TBCK: variants seen among roughly 807,000 people sequenced by gnomAD.
TBCK encodes TBC1 domain containing kinase, also known as TBC domain-containing protein kinase-like protein.
TBCK carries 99 observed loss-of-function variants against 113.4 expected under a neutral mutation model. The observed-to-expected ratio is 0.87, with a 90% CI of 0.74 to 1.03. TBCK has a LOEUF of 1.03. Ranked by LOEUF, TBCK falls within the 50% of genes least tolerant of loss-of-function variation. The pLI is 0.00. For synonymous variants in TBCK, 369 were observed against 370.8 expected (o/e 1.00, Z 0.05); for missense variants, 1,045 against 1,061.3 (o/e 0.98, Z 0.21).
intron 10 of TBCK, among the ~76,000 whole-genome samples, 164 bp from the exon 11 acceptor site, chr4:106,244,928 A>G (rs1406672734): frequency 6.6e-6 from 1 of 152,130 alleles, no homozygotes; most frequent in East Asian, 1.9e-4. Flanking sequence ...CTCCATCCTA[A>G]CAACAAATAA....
intron 20 of TBCK, among the ~76,000 whole-genome samples, chr4:106,199,442 CCTTTT>C (rs1005846114): frequency 3.3e-5 from 5 of 152,188 alleles, no homozygotes; most frequent in East Asian, 1.9e-4. Flanking sequence ...TTCTTAGATA[CCTTTT>C]CTTTTCTTTT....
intron 20 of TBCK, among the ~76,000 whole-genome samples, chr4:106,197,248 T>C (rs974438552): frequency 1.3e-5 from 2 of 151,270 alleles, no homozygotes; most frequent in African/African-American, 4.9e-5. Context: ...TTCAGGAGAG[T>C]GTCCTGGAAG....
chr4:106,074,927 C>T (rs1301486290), intron 25 of TBCK, among the ~76,000 whole-genome samples: 1 of 152,170 alleles, frequency 6.6e-6, no homozygotes, highest in African/African-American at 2.4e-5. Flanking sequence ...AATATTCTGT[C>T]CCCATTCTCT....
Position 106,212,882 on chromosome 4 carries a change from C to G in TBCK, c.1775-47G>C, listed in dbSNP as rs1326259627. Reference sequence around the variant, plus strand: ...CAATCATCATTTTTACACAGTACTCCAAGAACATTATATTCAAATATAGTT... The same window carrying G: ...CAATCATCATTTTTACACAGTACTCGAAGAACATTATATTCAAATATAGTT... On this transcript the variant is annotated intron_variant, in intron 19 of 25. Transcript: ENST00000394708. The G allele has an allele frequency of 3.5e-6, 4 of 1,147,640 alleles. No individual in the cohort carries two copies. In the Admixed American group the frequency reaches 7.4e-5, roughly 21 times the overall value. The allele number at this position is 1,147,640 out of a possible 1,614,324, so 71.1% of individuals were successfully genotyped here. A position where few individuals can be genotyped will look rare whatever the true frequency, so the allele number is the denominator to read the frequency against.
chr4:106,285,476 A>G (rs1411954177), intron 3 of TBCK, among the ~76,000 whole-genome samples: 1 of 152,120 alleles, frequency 6.6e-6, no homozygotes, highest in African/African-American at 2.4e-5. Context: ...ATCGGTCATG[A>G]AAAAAAGTCA....
At chr4:106,271,273 T>C (rs1204009237) in intron 3 of TBCK, among the ~76,000 whole-genome samples, 1 of 152,156 alleles carries the variant, frequency 6.6e-6, no homozygotes, top group Non-Finnish European at 1.5e-5. Context: ...AATCCCATAA[T>C]GACCCAGGAA....
intron 23 of TBCK, among the ~76,000 whole-genome samples, chr4:106,123,669 C>G (rs1025401831): frequency 6.6e-5 from 10 of 152,010 alleles, no homozygotes; most frequent in African/African-American, 2.4e-4. Context: ...ATCAATGGAA[C>G]AGAACAGAGC....
At chr4:106,260,577 T>C in intron 4 of TBCK, 67 bp from the exon 5 acceptor site, 1 of 500,482 alleles carries the variant, frequency 2.0e-6, no homozygotes, top group Non-Finnish European at 3.4e-6. Context: ...TAATTTATAT[T>C]ATAAAATTAT....
At chr4:106,138,398 C>T (rs1340501574) in intron 23 of TBCK, among the ~76,000 whole-genome samples, 1 of 141,074 alleles carries the variant, frequency 7.1e-6, no homozygotes, top group Non-Finnish European at 1.6e-5. Flanking sequence ...AGTTAAAAAC[C>T]AATACATAAT....
At chr4:106,291,773 A>G (rs1209735764) in intron 3 of TBCK, among the ~76,000 whole-genome samples, 1 of 152,214 alleles carries the variant, frequency 6.6e-6, no homozygotes, top group Non-Finnish European at 1.5e-5. Flanking sequence ...ATTTTAGGAG[A>G]GGATGCCGAT....
chr4:106,250,262 G>A (rs1304429346), intron 7 of TBCK, among the ~76,000 whole-genome samples, 156 bp downstream of exon 7: 2 of 151,996 alleles, frequency 1.3e-5, no homozygotes, highest in Admixed American at 1.3e-4. Context: ...CTCATATGCT[G>A]TTCTGCTGAT....
At chr4:106,311,171 T>C (rs1354049214) in intron 1 of TBCK, among the ~76,000 whole-genome samples, 1 of 150,448 alleles carries the variant, frequency 6.6e-6, no homozygotes, top group Non-Finnish European at 1.5e-5. Context: ...TTTTACACTA[T>C]CTTGCTATTA....
At chr4:106,218,499 C>A (rs1757260462) in intron 19 of TBCK, among the ~76,000 whole-genome samples, 1 of 132,900 alleles carries the variant, frequency 7.5e-6, no homozygotes, top group Non-Finnish European at 1.6e-5. Flanking sequence ...CCAGAATCTA[C>A]AATGAACTCA....
chr4:106,175,042 G>T (rs1751487229), intron 22 of TBCK, among the ~76,000 whole-genome samples: 1 of 151,410 alleles, frequency 6.6e-6, no homozygotes, highest in South Asian at 2.1e-4. Flanking sequence ...CACGAGAATT[G>T]CTTGAACCTG....
chr4:106,151,059 T>C (rs1207571525), intron 23 of TBCK, among the ~76,000 whole-genome samples: 1 of 152,042 alleles, frequency 6.6e-6, no homozygotes, highest in Non-Finnish European at 1.5e-5. Context: ...TTTCATTTTT[T>C]AATTTTTGTG....
At chr4:106,306,377 G>T (rs1477593476) in intron 2 of TBCK, among the ~76,000 whole-genome samples, 2 of 150,890 alleles carry the variant, frequency 1.3e-5, no homozygotes, top group African/African-American at 4.9e-5. Flanking sequence ...GGGCCACCAT[G>T]CTTGGCCTTG....
At chr4:106,057,797 T>C (rs1370309103) in intron 25 of TBCK, among the ~76,000 whole-genome samples, 2 of 151,846 alleles carry the variant, frequency 1.3e-5, no homozygotes, top group African/African-American at 2.4e-5. Flanking sequence ...ATAGCACATG[T>C]CACAATGTTG....
intron 19 of TBCK, among the ~76,000 whole-genome samples, chr4:106,214,466 A>G (rs1339919731): frequency 1.3e-5 from 2 of 150,938 alleles, no homozygotes; most frequent in East Asian, 3.9e-4. Context: ...GAAAACTTTG[A>G]AAAAAATTTA....
At chr4:106,066,611 TCA>T (rs1736670798) in intron 25 of TBCK, among the ~76,000 whole-genome samples, 1 of 152,036 alleles carries the variant, frequency 6.6e-6, no homozygotes, top group South Asian at 2.1e-4. Flanking sequence ...TGTACAACCA[TCA>T]CCACTAGTTA....
Sources: allele counts gnomAD v4.1 joint callset (sites outside exome capture counted in the v4.1 genomes callset), GRCh38; gene constraint gnomAD v4.1.1; transcripts MANE v1.5; gene names NCBI Gene and HGNC (gene_info 2026-07-23, HGNC 2026-07-21).